Variants in TMEM232 observed in about 807,000 individuals in gnomAD.
The protein encoded by TMEM232 is transmembrane protein 232.
A neutral mutation model predicts 78.8 loss-of-function variants in TMEM232; 80 were observed. That is an observed-to-expected ratio of 1.01 (90% confidence interval 0.85 to 1.22). The LOEUF (loss-of-function observed/expected upper bound fraction) is 1.22, where lower values mean the gene tolerates loss of function less well. TMEM232 is among the 50% of genes most tolerant of loss of function. The probability of loss-of-function intolerance (pLI) is 0.00; values close to 1 mark genes in which losing one functional copy is unlikely to be tolerated. For missense variants in TMEM232, 881 were observed against 742.2 expected (o/e 1.19, Z -2.17); for synonymous variants, 297 against 254.3 (o/e 1.17, Z -1.60).
intron 1 of TMEM232, among the ~76,000 whole-genome samples, chr5:110,676,783 GA>G (rs752651482): frequency 5.6e-4 from 80 of 143,502 alleles, no homozygotes; most frequent in Admixed American, 1.0e-3. Flanking sequence ...TTAATATACG[GA>G]GTTTCACTCT....
At chr5:110,677,283 T>C (rs888496686) in intron 1 of TMEM232, among the ~76,000 whole-genome samples, 3 of 152,114 alleles carry the variant, frequency 2.0e-5, no homozygotes, top group Non-Finnish European at 4.4e-5. Context: ...TTAAATATAA[T>C]GGATATTAAC....
chr5:110,710,733 G>GA (rs111455503), intron 1 of TMEM232, among the ~76,000 whole-genome samples: 5,941 of 151,938 alleles, frequency 0.039, 379 homozygotes, highest in African/African-American at 0.14. Context: ...AAAAACCCTT[G>GA]AAAAAACTGG....
At chr5:110,682,503 C>G (rs905313780) in intron 1 of TMEM232, among the ~76,000 whole-genome samples, 1 of 152,064 alleles carries the variant, frequency 6.6e-6, no homozygotes, top group African/African-American at 2.4e-5. Context: ...AAAGTAGCTG[C>G]CACATTTTCT....
intron 12 of TMEM232, among the ~76,000 whole-genome samples, chr5:110,437,648 T>C (rs1224335591): frequency 1.3e-5 from 2 of 151,730 alleles, no homozygotes; most frequent in Non-Finnish European, 2.9e-5. Flanking sequence ...AGTTAACAAT[T>C]AAAAAGAAAA....
At chr5:110,636,646 T>A (rs1440158488) in intron 5 of TMEM232, among the ~76,000 whole-genome samples, 1 of 152,030 alleles carries the variant, frequency 6.6e-6, no homozygotes, top group Non-Finnish European at 1.5e-5. Context: ...TGTAGCCACA[T>A]TGAATATCAA....
intron 12 of TMEM232, among the ~76,000 whole-genome samples, chr5:110,463,349 A>C (rs1761736668): frequency 1.3e-5 from 2 of 152,216 alleles, no homozygotes; most frequent in South Asian, 4.1e-4. Flanking sequence ...TTTGAGACAT[A>C]ATGTTATTGC....
chr5:110,699,361 ACCT>A (rs1410774082), intron 1 of TMEM232, among the ~76,000 whole-genome samples: 1 of 151,898 alleles, frequency 6.6e-6, no homozygotes, highest in African/African-American at 2.4e-5. Context: ...TAAGGAAAAC[ACCT>A]CCTAAGACAC....
intron 1 of TMEM232, among the ~76,000 whole-genome samples, chr5:110,720,238 C>T (rs1376018401): frequency 6.6e-6 from 1 of 152,094 alleles, no homozygotes; most frequent in Non-Finnish European, 1.5e-5. Context: ...TGTGAAACCT[C>T]TCCCCTATAA....
At chr5:110,554,610 GT>G (rs1243050741) in intron 11 of TMEM232, among the ~76,000 whole-genome samples, 2 of 152,048 alleles carry the variant, frequency 1.3e-5, no homozygotes, top group Non-Finnish European at 2.9e-5. Flanking sequence ...TTGGCCTGAG[GT>G]TTTCTTTTCC....
rs111731813 is a variant in TMEM232, at chr5:110,688,281, G to C, written c.-12-20917C>G. ...TGAAGATTTTCTTCCATTCATGCCT[G>C]AACTTCAAGGCAGAAAGCTGAAGCT... On this transcript the variant is annotated intron_variant, in intron 1 of 13. Transcript: ENST00000455884. 1.6e-3 allele frequency among the ~76,000 whole-genome samples: 249 copies of C among 152,280 alleles called. 1 individual carries two copies. The highest frequency in any genetic ancestry group is 5.8e-3 in the African/African-American group (243 of 41,572).
intron 11 of TMEM232, among the ~76,000 whole-genome samples, chr5:110,540,217 T>C (rs1007349623): frequency 2.0e-5 from 3 of 152,158 alleles, no homozygotes; most frequent in African/African-American, 7.2e-5. Context: ...ACAGATCAAC[T>C]GCCTACTTTT....
At chr5:110,452,335 C>T (rs1461239497) in intron 12 of TMEM232, among the ~76,000 whole-genome samples, 1 of 152,094 alleles carries the variant, frequency 6.6e-6, no homozygotes, top group African/African-American at 2.4e-5. Flanking sequence ...AGTTTTACCT[C>T]AATACTCCTC....
downstream of TMEM232, among the ~76,000 whole-genome samples, chr5:110,414,997 C>A (rs147079222): frequency 2.2e-4 from 33 of 152,238 alleles, no homozygotes; most frequent in Non-Finnish European, 4.0e-4. Flanking sequence ...CTGACAATTG[C>A]ATGTGTCATT....
At chr5:110,724,048 T>C (rs752051769) in intron 1 of TMEM232, among the ~76,000 whole-genome samples, 25 of 152,220 alleles carry the variant, frequency 1.6e-4, no homozygotes, top group Non-Finnish European at 3.1e-4. Flanking sequence ...GTTTCTGTTA[T>C]ATTCCATCAA....
chr5:110,738,342 T>G, upstream of TMEM232: 1 of 916,542 alleles, frequency 1.1e-6, no homozygotes. Flanking sequence ...CCTGAGTGAT[T>G]TAGACACATC....
chr5:110,511,434 A>C (rs921590911), intron 12 of TMEM232, among the ~76,000 whole-genome samples: 4 of 151,974 alleles, frequency 2.6e-5, no homozygotes, highest in East Asian at 3.9e-4. Flanking sequence ...CCAGAACTTA[A>C]AGTATAATTT....
intron 12 of TMEM232, among the ~76,000 whole-genome samples, chr5:110,467,216 A>G (rs1762177210): frequency 6.6e-6 from 1 of 152,188 alleles, no homozygotes; most frequent in African/African-American, 2.4e-5. Context: ...AAGGTTTTCA[A>G]AGGAACAGAA....
intron 12 of TMEM232, among the ~76,000 whole-genome samples, chr5:110,477,840 A>C (rs2149388796): frequency 6.6e-6 from 1 of 152,010 alleles, no homozygotes; most frequent in Admixed American, 6.6e-5. Flanking sequence ...CATGGGATTA[A>C]TGTCTTCTAC....
At chr5:110,720,212 G>A (rs1327522093) in intron 1 of TMEM232, among the ~76,000 whole-genome samples, 2 of 151,986 alleles carry the variant, frequency 1.3e-5, no homozygotes, top group Non-Finnish European at 2.9e-5. Flanking sequence ...CAGTCTTCTT[G>A]GCTTGCCTCT....
Sources: allele counts gnomAD v4.1 joint callset (sites outside exome capture counted in the v4.1 genomes callset), GRCh38; gene constraint gnomAD v4.1.1; transcripts MANE v1.5; gene names NCBI Gene and HGNC (gene_info 2026-07-23, HGNC 2026-07-21).